LYPLAL1: variants seen among roughly 807,000 people sequenced by gnomAD.
LYPLAL1 encodes lysophospholipase like 1.
Under a neutral mutation model 19.7 loss-of-function variants are expected in LYPLAL1, and 23 were observed. The observed-to-expected ratio is 1.17, with a 90% CI of 0.84 to 1.65. The LOEUF (loss-of-function observed/expected upper bound fraction) is 1.65. Ranked by LOEUF, LYPLAL1 falls within the 40% of genes most tolerant of loss-of-function variation. LYPLAL1 has a pLI of 0.00. For missense variants in LYPLAL1, 355 were observed against 279.4 expected (o/e 1.27, Z -1.93); for synonymous variants, 119 against 96.3 (o/e 1.24, Z -1.38).
the LYPLAL1 span, among the ~76,000 whole-genome samples, chr1:219,293,102 T>C: frequency 6.6e-6 from 1 of 152,164 alleles, no homozygotes; most frequent in African/African-American, 2.4e-5. Context: ...TTTCAAAGAC[T>C]ACAAAATCAG....
At chr1:219,181,397 G>A (rs1656269008) in intron 2 of LYPLAL1, among the ~76,000 whole-genome samples, 1 of 152,114 alleles carries the variant, frequency 6.6e-6, no homozygotes, top group Non-Finnish European at 1.5e-5. Flanking sequence ...ACAGTAGATT[G>A]GGAGCCACTG....
At chr1:219,325,745 C>T in the LYPLAL1 span, among the ~76,000 whole-genome samples, 1 of 152,124 alleles carries the variant, frequency 6.6e-6, no homozygotes, top group Non-Finnish European at 1.5e-5. Flanking sequence ...ATGTCCTCAG[C>T]CCACTTAGCA....
the LYPLAL1 span, among the ~76,000 whole-genome samples, chr1:219,233,488 C>T: frequency 6.6e-6 from 1 of 152,146 alleles, no homozygotes; most frequent in Non-Finnish European, 1.5e-5. Context: ...TAAATTTTGG[C>T]CAAGCATGCT....
At chr1:219,375,490 T>TAAAAA in the LYPLAL1 span, among the ~76,000 whole-genome samples, 4 of 37,488 alleles carry the variant, frequency 1.1e-4, no homozygotes, top group South Asian at 3.3e-3. Context: ...AAACTCCTTC[T>TAAAAA]AAAAAAAAAA....
the LYPLAL1 span, among the ~76,000 whole-genome samples, chr1:219,227,969 T>C: frequency 6.6e-6 from 1 of 152,188 alleles, no homozygotes; most frequent in African/African-American, 2.4e-5. Flanking sequence ...AGCCAGGCTG[T>C]TCAGGACCCA....
chr1:219,217,355 C>T (rs944032750), downstream of LYPLAL1, among the ~76,000 whole-genome samples: 2 of 133,628 alleles, frequency 1.5e-5, no homozygotes, highest in South Asian at 2.5e-4. Flanking sequence ...TTCAAGGTAT[C>T]GTTAGTATTG....
At chr1:219,279,119 A>C in the LYPLAL1 span, among the ~76,000 whole-genome samples, 1 of 152,126 alleles carries the variant, frequency 6.6e-6, no homozygotes, top group Non-Finnish European at 1.5e-5. Context: ...AAAAGCATGA[A>C]GGGCTCGTGC....
intron 3 of LYPLAL1, chr1:219,198,906 T>G (rs1054983187): frequency 1.3e-5 from 2 of 152,154 alleles, no homozygotes; most frequent in Admixed American, 6.5e-5. Context: ...ATACAGAGGT[T>G]GTTCTGTTTG....
At chr1:219,392,932 T>C in the LYPLAL1 span, among the ~76,000 whole-genome samples, 1 of 152,190 alleles carries the variant, frequency 6.6e-6, no homozygotes, top group Admixed American at 6.5e-5. Context: ...AGCTAGTTTT[T>C]AAATTGTTGG....
the LYPLAL1 span, among the ~76,000 whole-genome samples, chr1:219,370,039 G>A: frequency 1.3e-5 from 2 of 152,176 alleles, no homozygotes; most frequent in Admixed American, 6.5e-5. Flanking sequence ...CTGTGGCTCC[G>A]TCCTGGGATG....
the LYPLAL1 span, among the ~76,000 whole-genome samples, chr1:219,419,578 C>CAGAG: frequency 1.6e-5 from 2 of 121,858 alleles, no homozygotes; most frequent in African/African-American, 6.8e-5. Flanking sequence ...CACACACACA[C>CAGAG]ACACACACAC....
the LYPLAL1 span, among the ~76,000 whole-genome samples, chr1:219,426,034 G>A: frequency 6.6e-6 from 1 of 152,172 alleles, no homozygotes; most frequent in African/African-American, 2.4e-5. Context: ...AGATCCACAC[G>A]GTAGAGACTT....
intron 3 of LYPLAL1, among the ~76,000 whole-genome samples, chr1:219,205,759 G>A (rs1658526377): frequency 1.3e-5 from 2 of 152,122 alleles, no homozygotes; most frequent in African/African-American, 4.8e-5. Context: ...GCCCAGCTGG[G>A]AGCTAAAACT....
At chr1:219,175,191 A>T in intron 1 of LYPLAL1, 1 of 725,104 alleles carries the variant, frequency 1.4e-6, no homozygotes, top group Non-Finnish European at 1.7e-6. Flanking sequence ...CGGATTTGGG[A>T]TTAGAACCCA....
chr1:219,387,690 T>C, the LYPLAL1 span, among the ~76,000 whole-genome samples: 1 of 152,200 alleles, frequency 6.6e-6, no homozygotes, highest in Middle Eastern at 3.2e-3. Context: ...TGGAAAAAAT[T>C]CACAGATGCT....
At chr1:219,329,936 A>T in the LYPLAL1 span, among the ~76,000 whole-genome samples, 1 of 151,602 alleles carries the variant, frequency 6.6e-6, no homozygotes, top group Non-Finnish European at 1.5e-5. Context: ...GTATCTTTTG[A>T]CCTTCTTTCT....
At chr1:219,310,516 T>G in the LYPLAL1 span, among the ~76,000 whole-genome samples, 1 of 152,070 alleles carries the variant, frequency 6.6e-6, no homozygotes, top group Non-Finnish European at 1.5e-5. Context: ...GTGAGTAAAA[T>G]AAACAAAATG....
At chr1:219,269,567 TA>T in the LYPLAL1 span, among the ~76,000 whole-genome samples, 1 of 152,312 alleles carries the variant, frequency 6.6e-6, no homozygotes, top group East Asian at 1.9e-4. Flanking sequence ...TGGCCACATT[TA>T]AAAGATTTTT....
At chr1:219,443,067 TCCAAGAGTTTCTG>T in the LYPLAL1 span, among the ~76,000 whole-genome samples, 5 of 150,404 alleles carry the variant, frequency 3.3e-5, no homozygotes, top group Non-Finnish European at 7.4e-5. Flanking sequence ...ATGCAATTTC[TCCAAGAGTTTCTG>T]CTGGAAAAAA....
Sources: allele counts gnomAD v4.1 joint callset (sites outside exome capture counted in the v4.1 genomes callset), GRCh38; gene constraint gnomAD v4.1.1; transcripts MANE v1.5; gene names NCBI Gene and HGNC (gene_info 2026-07-23, HGNC 2026-07-21).